The following RBFOX1 variants were observed in gnomAD, a reference collection of about 807,000 sequenced individuals.
The protein encoded by RBFOX1 is RNA binding fox-1 homolog 1.
A neutral mutation model predicts 57.7 loss-of-function variants in RBFOX1; 8 were observed. The ratio of observed to expected loss-of-function variants is 0.14; its 90% CI spans 0.08 to 0.25. The LOEUF (loss-of-function observed/expected upper bound fraction) is 0.25, where lower values mean the gene tolerates loss of function less well. Among genes scored for constraint, RBFOX1 ranks in the 10% least tolerant of loss-of-function variants. The pLI is 1.00. For synonymous variants in RBFOX1, 326 were observed against 222.4 expected (o/e 1.47, Z -4.15); for missense variants, 611 against 548.5 (o/e 1.11, Z -1.14).
At chr16:6,507,748 T>C (rs903255196) in intron 2 of RBFOX1, among the ~76,000 whole-genome samples, 2 of 152,018 alleles carry the variant, frequency 1.3e-5, no homozygotes, top group African/African-American at 4.8e-5. Context: ...TGATTCCACT[T>C]ATATAAAGTA....
chr16:6,158,496 T>G (rs1192559692), intron 1 of RBFOX1, among the ~76,000 whole-genome samples: 1 of 152,356 alleles, frequency 6.6e-6, no homozygotes, highest in Admixed American at 6.5e-5. Context: ...ATTTGAATTT[T>G]ATTGGAGTAC....
At chr16:7,297,007 C>T (rs1213956281) in intron 4 of RBFOX1, among the ~76,000 whole-genome samples, 2 of 152,172 alleles carry the variant, frequency 1.3e-5, no homozygotes, top group Non-Finnish European at 2.9e-5. Context: ...AGGGGAAGAG[C>T]TGGGTTGAAA....
intron 4 of RBFOX1, among the ~76,000 whole-genome samples, chr16:7,295,028 A>G (rs908280579): frequency 2.6e-5 from 4 of 152,246 alleles, no homozygotes; most frequent in East Asian, 1.9e-4. Context: ...ATTAATTACC[A>G]TCTGGCCAGA....
At chr16:5,508,854 C>T (rs977009927) in intron 2 of RBFOX1, among the ~76,000 whole-genome samples, 24 of 152,206 alleles carry the variant, frequency 1.6e-4, no homozygotes, top group Non-Finnish European at 1.5e-5. Flanking sequence ...GACTGTATTC[C>T]TCATGGTCAA....
At chr16:6,545,087 A>G (rs931551931) in intron 2 of RBFOX1, among the ~76,000 whole-genome samples, 11 of 152,178 alleles carry the variant, frequency 7.2e-5, no homozygotes, top group African/African-American at 2.2e-4. Context: ...GATAAAAGTA[A>G]TAACAATGGC....
intron 14 of RBFOX1, among the ~76,000 whole-genome samples, chr16:7,697,909 T>A (rs575488762): frequency 6.6e-6 from 1 of 152,302 alleles, no homozygotes; most frequent in East Asian, 1.9e-4. Flanking sequence ...GAATTTTATT[T>A]AACTTGGCTT....
At chr16:6,593,008 C>T (rs910293421) in intron 2 of RBFOX1, among the ~76,000 whole-genome samples, 5 of 152,160 alleles carry the variant, frequency 3.3e-5, no homozygotes, top group South Asian at 2.1e-4. Flanking sequence ...GCCCGGCCAA[C>T]ATGGTAAAAC....
intron 2 of RBFOX1, among the ~76,000 whole-genome samples, chr16:6,647,435 A>G (rs944553974): frequency 2.0e-5 from 3 of 152,164 alleles, no homozygotes; most frequent in Middle Eastern, 3.4e-3. Context: ...TTGAAATCCA[A>G]TGGGGTTTCA....
At chr16:5,780,251 C>G (rs1315910228) in intron 3 of RBFOX1, among the ~76,000 whole-genome samples, 1 of 152,368 alleles carries the variant, frequency 6.6e-6, no homozygotes, top group Non-Finnish European at 1.5e-5. Flanking sequence ...ATCCACCCAT[C>G]TCTGCCTCCC....
intron 2 of RBFOX1, among the ~76,000 whole-genome samples, chr16:5,549,437 T>C (rs1413590150): frequency 6.6e-6 from 1 of 152,222 alleles, no homozygotes; most frequent in Non-Finnish European, 1.5e-5. Context: ...TTCAGAGTTA[T>C]ATTTATTGGC....
chr16:6,827,126 G>C (rs2092253483), intron 3 of RBFOX1, among the ~76,000 whole-genome samples: 1 of 151,836 alleles, frequency 6.6e-6, no homozygotes, highest in African/African-American at 2.4e-5. Flanking sequence ...TAACACCAGT[G>C]AATATAAGAT....
chr16:7,406,068 G>C (rs529431398), intron 4 of RBFOX1, among the ~76,000 whole-genome samples: 9 of 152,310 alleles, frequency 5.9e-5, no homozygotes, highest in African/African-American at 2.2e-4. Flanking sequence ...CAATAGTGAA[G>C]GGAAGGGGAG....
chr16:6,501,386 T>C (rs12596915), intron 2 of RBFOX1, among the ~76,000 whole-genome samples: 145,463 of 149,408 alleles, frequency 0.97, 70,911 homozygotes, highest in East Asian at 1. Flanking sequence ...TGAGAACATG[T>C]GGTGTTTGTT....
chr16:6,246,079 G>C (rs1021310784), intron 1 of RBFOX1, among the ~76,000 whole-genome samples: 1 of 152,106 alleles, frequency 6.6e-6, no homozygotes, highest in Non-Finnish European at 1.5e-5. Flanking sequence ...CAGAAACCCA[G>C]TTTACAGTAG....
At chr16:6,616,646 G>C (rs906777443) in intron 2 of RBFOX1, among the ~76,000 whole-genome samples, 3 of 152,222 alleles carry the variant, frequency 2.0e-5, no homozygotes, top group Non-Finnish European at 4.4e-5. Flanking sequence ...CTGCACTCCA[G>C]CCTGGGCGAC....
At chr16:7,030,485 T>G (rs8048556) in intron 3 of RBFOX1, among the ~76,000 whole-genome samples, 2,446 of 152,242 alleles carry the variant, frequency 0.016, 70 homozygotes, top group African/African-American at 0.056. Context: ...CTTCCTTCCT[T>G]CTCCCACCTT....
chr16:6,820,757 G>A (rs912343726), intron 3 of RBFOX1, among the ~76,000 whole-genome samples: 4 of 152,072 alleles, frequency 2.6e-5, no homozygotes, highest in African/African-American at 7.2e-5. Flanking sequence ...GCCTCAAATC[G>A]ATGCTAAGTC....
chr16:6,978,298 C>A (rs114631573), intron 3 of RBFOX1, among the ~76,000 whole-genome samples: 1 of 152,160 alleles, frequency 6.6e-6, no homozygotes, highest in Non-Finnish European at 1.5e-5. Context: ...TATTGTGGTA[C>A]TATGCAAGAA....
At position 6,721,112 on chromosome 16, in the gene RBFOX1, A is replaced by T. The variant is rs1057173551; in HGVS notation, c.-16+66462A>T. The stretch of plus-strand genomic sequence containing the variant: ...AGTGTTTGCTTTATGTAACCATTTT[A>T]AAAAATGTAATTGTGGTAAAGTACA... On this transcript the variant is annotated intron_variant, in intron 3 of 15. Transcript: ENST00000550418. 3.3e-5 allele frequency among the ~76,000 whole-genome samples: 5 copies of T among 151,564 alleles called. No individual in the cohort carries two copies. In the East Asian group the frequency reaches 1.0e-3, roughly 31 times the overall value.
Sources: gnomAD v4.1 joint callset for allele counts (sites outside exome capture counted in the v4.1 genomes callset) on GRCh38, gnomAD v4.1.1 for gene constraint, MANE v1.5 for transcripts, NCBI Gene and HGNC (gene_info 2026-07-23, HGNC 2026-07-21) for gene names.